Variants in PRKAG2 observed in about 807,000 individuals in gnomAD.
PRKAG2 encodes the protein protein kinase AMP-activated non-catalytic subunit gamma 2.
In PRKAG2, 26 loss-of-function variants were observed where a neutral mutation model predicts 69.6. The ratio of observed to expected loss-of-function variants is 0.37; its 90% CI spans 0.27 to 0.52. The LOEUF (loss-of-function observed/expected upper bound fraction) is 0.52. Among genes scored for constraint, PRKAG2 ranks in the 20% least tolerant of loss-of-function variants. PRKAG2 has a pLI of 0.90. For missense variants in PRKAG2, 557 were observed against 740.0 expected, an observed-to-expected ratio of 0.75 and a Z score of 2.87; for synonymous variants, 293 against 285.0, an observed-to-expected ratio of 1.03 and a Z score of -0.28.
At chr7:151,593,070 C>T (rs1037727042) in intron 6 of PRKAG2, among the ~76,000 whole-genome samples, 2 of 152,226 alleles carry the variant, frequency 1.3e-5, no homozygotes, top group African/African-American at 4.8e-5. Flanking sequence ...CCTTGGACAT[C>T]CATAAGGCAT....
intron 3 of PRKAG2, among the ~76,000 whole-genome samples, chr7:151,698,714 T>C (rs1401130754): frequency 6.6e-6 from 1 of 152,178 alleles, no homozygotes; most frequent in Non-Finnish European, 1.5e-5. Flanking sequence ...TCAACCTCCT[T>C]TCTTCATAAT....
chr7:151,776,861 C>T (rs1233413228), intron 3 of PRKAG2, among the ~76,000 whole-genome samples: 2 of 152,138 alleles, frequency 1.3e-5, no homozygotes, highest in Admixed American at 6.6e-5. Context: ...ACTGTGGGCC[C>T]CTACCCAGCA....
intron 3 of PRKAG2, among the ~76,000 whole-genome samples, chr7:151,741,146 C>A (rs2073857972): frequency 6.7e-6 from 1 of 150,326 alleles, no homozygotes; most frequent in Non-Finnish European, 1.5e-5. Context: ...CCGGGAGGTC[C>A]AGGCTCTAGT....
chr7:151,833,557 C>A (rs1403958093), intron 1 of PRKAG2, among the ~76,000 whole-genome samples: 1 of 152,160 alleles, frequency 6.6e-6, no homozygotes, highest in Non-Finnish European at 1.5e-5. Flanking sequence ...AGCGGGGCGG[C>A]AGGAGTGTCT....
intron 3 of PRKAG2, among the ~76,000 whole-genome samples, chr7:151,712,949 C>A (rs1406733188): frequency 6.6e-6 from 1 of 152,230 alleles, no homozygotes; most frequent in African/African-American, 2.4e-5. Context: ...AAAGCAAAGA[C>A]AGGATTGTCA....
At chr7:151,866,449 C>T (rs76320335) in intron 1 of PRKAG2, among the ~76,000 whole-genome samples, 19 of 152,288 alleles carry the variant, frequency 1.2e-4, no homozygotes, top group Middle Eastern at 3.4e-3. Context: ...TAAAGAGAGA[C>T]GGCTCATATA....
chr7:151,680,729 C>A (rs528844605), intron 3 of PRKAG2, among the ~76,000 whole-genome samples: 1 of 152,316 alleles, frequency 6.6e-6, no homozygotes, highest in South Asian at 2.1e-4. Flanking sequence ...AAGCACTGAC[C>A]TGCTTCCTGC....
intron 1 of PRKAG2, among the ~76,000 whole-genome samples, chr7:151,787,119 A>G (rs2077048488): frequency 6.6e-6 from 1 of 152,208 alleles, no homozygotes; most frequent in Non-Finnish European, 1.5e-5. Flanking sequence ...TCTTGCCTCC[A>G]CACCAGGCAG....
chr7:151,704,952 C>T (rs1019283759), intron 3 of PRKAG2, among the ~76,000 whole-genome samples: 2 of 152,182 alleles, frequency 1.3e-5, no homozygotes, highest in Non-Finnish European at 2.9e-5. Context: ...AAAAGTCCTG[C>T]CCCTGCTAGC....
At chr7:151,809,232 T>C in intron 1 of PRKAG2, 1 of 456,652 alleles carries the variant, frequency 2.2e-6, no homozygotes, top group Non-Finnish European at 4.4e-6. Context: ...ATCTGAGCAA[T>C]TCTGCTTTCA....
intron 3 of PRKAG2, among the ~76,000 whole-genome samples, chr7:151,723,552 G>A (rs1797460438): frequency 6.6e-6 from 1 of 152,210 alleles, no homozygotes; most frequent in Non-Finnish European, 1.5e-5. Flanking sequence ...CTTGGCCTCT[G>A]CTTTCGCCGA....
intron 1 of PRKAG2, among the ~76,000 whole-genome samples, chr7:151,855,573 A>C (rs1477712469): frequency 4.8e-5 from 5 of 103,204 alleles, no homozygotes; most frequent in Non-Finnish European, 8.1e-5. Flanking sequence ...TCCACACACC[A>C]CCCTACACAC....
intron 3 of PRKAG2, among the ~76,000 whole-genome samples, chr7:151,692,435 T>C (rs1835818483): frequency 6.6e-6 from 1 of 152,138 alleles, no homozygotes; most frequent in Non-Finnish European, 1.5e-5. Context: ...CAGTGTTTGC[T>C]GAGGATGAGG....
chr7:151,632,625 C>T lies in PRKAG2; in HGVS notation c.685-487G>A. 1 of 984,432 alleles carries T rather than the reference C, an allele frequency of 1.0e-6. No individual in the cohort carries two copies. Among genetic ancestry groups the T allele is most frequent in the East Asian group, 1.1e-4 (1 of 8,736 alleles). 61.0% of individuals were successfully genotyped at this position (984,432 alleles called of 1,614,324 possible). A position where few individuals can be genotyped will look rare whatever the true frequency, so the allele number is the denominator to read the frequency against. ...GGCTCCACCTGCGCAGGTGTGGGCT[C>T]CGCGGCGCGGGGAGGGGGAGAGGGG... On this transcript the variant is annotated intron_variant, in intron 4 of 15. Coordinates refer to ENST00000287878, the MANE Select transcript of PRKAG2 (RefSeq NM_016203.4). This position sits in a 1 kb window ranked among gnomAD's most constrained non-coding sequence, Gnocchi z 4.2.
At chr7:151,579,119 G>A (rs4726053) in intron 6 of PRKAG2, among the ~76,000 whole-genome samples, 4,145 of 152,214 alleles carry the variant, frequency 0.027, 163 homozygotes, top group East Asian at 0.17. Context: ...GCCCCTGCCG[G>A]GCTCAAGTGA....
At chr7:151,748,551 G>A (rs1454378550) in intron 3 of PRKAG2, among the ~76,000 whole-genome samples, 1 of 152,098 alleles carries the variant, frequency 6.6e-6, no homozygotes, top group African/African-American at 2.4e-5. Flanking sequence ...GGCTTCTTTT[G>A]GGGTTTGGTT....
intron 14 of PRKAG2, among the ~76,000 whole-genome samples, chr7:151,561,301 CTG>C (rs1353459625): frequency 1.3e-5 from 2 of 152,288 alleles, no homozygotes; most frequent in South Asian, 2.1e-4. Flanking sequence ...TTAAACATAA[CTG>C]TTTTAATTTC....
chr7:151,631,830 C>G, intron 5 of PRKAG2: 1 of 497,568 alleles, frequency 2.0e-6, no homozygotes, highest in East Asian at 6.3e-5. Context: ...ATGCCGGGCT[C>G]AGGGCTGCGC....
At chr7:151,763,396 C>T (rs927486424) in intron 3 of PRKAG2, among the ~76,000 whole-genome samples, 1 of 152,242 alleles carries the variant, frequency 6.6e-6, no homozygotes, top group Non-Finnish European at 1.5e-5. Flanking sequence ...TTTGGTGAAA[C>T]CCCATCATGT....
Sources: allele counts gnomAD v4.1 joint callset (sites outside exome capture counted in the v4.1 genomes callset), GRCh38; gene constraint gnomAD v4.1.1; non-coding constraint Gnocchi (gnomAD v3.1); transcripts MANE v1.5; gene names NCBI Gene and HGNC (gene_info 2026-07-23, HGNC 2026-07-21).